TMTC1: variants seen among roughly 807,000 people sequenced by gnomAD.
The protein encoded by TMTC1 is transmembrane O-mannosyltransferase targeting cadherins 1, also known as protein O-mannosyl-transferase TMTC1.
In TMTC1, 73 loss-of-function variants were observed where a neutral mutation model predicts 104.8. That is an observed-to-expected ratio of 0.70 (90% CI 0.58 to 0.85). TMTC1 has a LOEUF of 0.85. Among genes scored for constraint, TMTC1 ranks in the 40% least tolerant of loss-of-function variants. TMTC1 has a pLI of 0.00. For missense variants in TMTC1, 1,035 were observed against 1,096.1 expected (o/e 0.94, Z 0.79); for synonymous variants, 434 against 428.7 (o/e 1.01, Z -0.15).
In TMTC1 at chr12:29,550,933, C is replaced by CAAAAAAA. The variant is rs200605964; in HGVS notation, c.1676+5917_1676+5923dup. ...TGGGGGAGAGAGTGGGACTCCATCT[C>CAAAAAAA]AAAAAAAAAAAAAAAAAAAAAAAAA... On this transcript the variant is annotated intron_variant, in intron 10 of 17. Transcript: ENST00000539277. 3.2e-4 allele frequency among the ~76,000 whole-genome samples: 35 copies of CAAAAAAA among 108,320 alleles called. 3 individuals are homozygous for CAAAAAAA. Among genetic ancestry groups the CAAAAAAA allele is most frequent in the African/African-American group, 1.1e-3 (29 of 25,288 alleles). 71.1% of individuals were successfully genotyped at this position (108,320 alleles called of 152,430 possible).
chr12:29,653,309 AG>A (rs1436122980), intron 5 of TMTC1, among the ~76,000 whole-genome samples: 2 of 152,088 alleles, frequency 1.3e-5, no homozygotes, highest in Non-Finnish European at 2.9e-5. Flanking sequence ...GAGGGCCTTC[AG>A]GAAGATGGTG....
chr12:29,649,593 AT>A (rs1939424875), intron 5 of TMTC1, among the ~76,000 whole-genome samples: 1 of 152,224 alleles, frequency 6.6e-6, no homozygotes, highest in South Asian at 2.1e-4. Flanking sequence ...TTGTATTTTT[AT>A]TTTGTCATAT....
At chr12:29,620,175 T>A (rs1482384789) in intron 6 of TMTC1, among the ~76,000 whole-genome samples, 1 of 152,218 alleles carries the variant, frequency 6.6e-6, no homozygotes. Flanking sequence ...ACAGGGCTCC[T>A]CATGTGTCAG....
chr12:29,597,995 T>A (rs1393108838), intron 7 of TMTC1, among the ~76,000 whole-genome samples: 1 of 152,162 alleles, frequency 6.6e-6, no homozygotes, highest in Non-Finnish European at 1.5e-5. Flanking sequence ...CCATAGTTTA[T>A]CTCCAAACCA....
intron 7 of TMTC1, among the ~76,000 whole-genome samples, chr12:29,585,665 GCCAGTTTTCCCAGCA>G (rs1460222397): frequency 1.3e-5 from 2 of 151,922 alleles, no homozygotes; most frequent in African/African-American, 4.9e-5. Context: ...CATATGGCTA[GCCAGTTTTCCCAGCA>G]CCATTTATTA....
chr12:29,674,349 T>C (rs2136692073), intron 5 of TMTC1, among the ~76,000 whole-genome samples: 1 of 152,138 alleles, frequency 6.6e-6, no homozygotes, highest in South Asian at 2.1e-4. Flanking sequence ...AAAGTAGCAT[T>C]ATTAGAATAG....
rs748644754 is a variant in TMTC1 at position 29,783,201 on chromosome 12, G to T, written c.302+249C>A. Among the ~76,000 whole-genome samples, 2 of 152,190 alleles carry T rather than the reference G, an allele frequency of 1.3e-5. No individual in the cohort carries two copies. The highest frequency in any genetic ancestry group is 2.9e-5 in the Non-Finnish European group (2 of 68,042). On this transcript the variant is annotated intron_variant, in intron 1 of 17. Transcript: ENST00000539277. The surrounding 1 kb of genome is among the most constrained non-coding windows in gnomAD (Gnocchi z 4.7). ...CCTCGAGAGAGAAGCCCGCTGAGAG[G>T]GCAGACAGTTGAGAAACTCGATCCC...
At chr12:29,525,741 C>T (rs957519441) in intron 11 of TMTC1, among the ~76,000 whole-genome samples, 7 of 152,160 alleles carry the variant, frequency 4.6e-5, no homozygotes, top group Non-Finnish European at 1.0e-4. Flanking sequence ...GGCCAACTTA[C>T]GTTTTCCCCT....
chr12:29,729,965 C>T (rs529251458), intron 5 of TMTC1, among the ~76,000 whole-genome samples: 2 of 152,204 alleles, frequency 1.3e-5, no homozygotes, highest in East Asian at 3.9e-4. Context: ...TTTCCTCAAC[C>T]CTGAATCAGA....
At chr12:29,756,007 G>T in intron 3 of TMTC1, 122 bp from the exon 4 acceptor site, 1 of 1,051,248 alleles carries the variant, frequency 9.5e-7, no homozygotes, top group Non-Finnish European at 1.3e-6. Context: ...AAGCAGGTAA[G>T]TAGAGATTTC....
chr12:29,760,850 T>C (rs1189489894), intron 2 of TMTC1, among the ~76,000 whole-genome samples: 2 of 149,254 alleles, frequency 1.3e-5, no homozygotes, highest in African/African-American at 4.9e-5. Context: ...TAATCAATTA[T>C]AATACTGTAT....
In TMTC1 at chr12:29,542,133, G is replaced by A. The variant is rs12831066; in HGVS notation, c.1677-5816C>T. The stretch of plus-strand genomic sequence containing the variant: ...TTCTCTGAGTTATATTGAAAGGCCA[G>A]AGTTAACTAGCCCATAATTGGTGAA... On this transcript the variant is annotated intron_variant, in intron 10 of 17. Transcript: ENST00000539277. Among the ~76,000 whole-genome samples, 446 of 152,270 alleles carry A rather than the reference G, an allele frequency of 2.9e-3. 1 individual carries two copies. The highest frequency in any genetic ancestry group is 4.4e-3 in the Non-Finnish European group (296 of 68,024).
intron 6 of TMTC1, among the ~76,000 whole-genome samples, chr12:29,618,451 A>T (rs921143924): frequency 2.0e-5 from 3 of 152,216 alleles, no homozygotes; most frequent in Non-Finnish European, 4.4e-5. Flanking sequence ...CTATGTAATA[A>T]TGTAGACATA....
intron 10 of TMTC1, among the ~76,000 whole-genome samples, chr12:29,551,095 T>C (rs1022594217): frequency 5.3e-5 from 8 of 151,600 alleles, no homozygotes; most frequent in Non-Finnish European, 1.2e-4. Flanking sequence ...ACCACAGGGG[T>C]GCAGAGTGGG....
chr12:29,765,052 G>A lies in TMTC1; in HGVS notation c.480+2846C>T, dbSNP rs187597674. On this transcript the variant is annotated intron_variant, in intron 2 of 17. Transcript: ENST00000539277. ...ATTGTACAAGAAGAATTATTTGTCA[G>A]AAATAAAATGCTGTCTATGGTTTTA... 4.9e-3 allele frequency among the ~76,000 whole-genome samples: 746 copies of A among 152,238 alleles called. 8 individuals carry two copies. Among genetic ancestry groups the A allele is most frequent in the African/African-American group, 0.017 (708 of 41,540 alleles).
intron 5 of TMTC1, among the ~76,000 whole-genome samples, chr12:29,670,181 G>T (rs763637584): frequency 3.9e-5 from 6 of 152,220 alleles, no homozygotes; most frequent in Non-Finnish European, 4.4e-5. Context: ...GATATTTTCT[G>T]ATCCTTTTAC....
chr12:29,714,450 T>A (rs1264131185), intron 5 of TMTC1, among the ~76,000 whole-genome samples: 3 of 152,218 alleles, frequency 2.0e-5, no homozygotes, highest in Admixed American at 1.3e-4. Flanking sequence ...GGAATTTTTT[T>A]AAACCACAAA....
chr12:29,736,930 G>A (rs1277457936), intron 5 of TMTC1, among the ~76,000 whole-genome samples: 1 of 152,182 alleles, frequency 6.6e-6, no homozygotes, highest in African/African-American at 2.4e-5. Flanking sequence ...GCAGTTCCAC[G>A]AAGAGCAGCA....
intron 9 of TMTC1, among the ~76,000 whole-genome samples, chr12:29,559,595 G>A (rs1014792965): frequency 8.5e-5 from 13 of 152,218 alleles, no homozygotes; most frequent in African/African-American, 3.1e-4. Context: ...CCAACTTGGA[G>A]CTGCAGAAAC....
Sources: gnomAD v4.1 joint callset for allele counts (sites outside exome capture counted in the v4.1 genomes callset) on GRCh38, gnomAD v4.1.1 for gene constraint, Gnocchi (gnomAD v3.1) non-coding constraint, MANE v1.5 for transcripts, NCBI Gene and HGNC (gene_info 2026-07-23, HGNC 2026-07-21) for gene names.